SEMA5A: variants seen among roughly 807,000 people sequenced by gnomAD.
SEMA5A encodes semaphorin-5A.
SEMA5A carries 55 observed loss-of-function variants against 135.5 expected under a neutral mutation model. The observed-to-expected ratio is 0.41, with a 90% CI of 0.33 to 0.51. The LOEUF (loss-of-function observed/expected upper bound fraction) is 0.51, where lower values mean the gene tolerates loss of function less well. SEMA5A is among the 20% of genes least tolerant of loss of function. The pLI, the probability that SEMA5A is intolerant of heterozygous loss-of-function variation, is 0.37. For synonymous variants in SEMA5A, 580 were observed against 546.5 expected (o/e 1.06, Z -0.85); for missense variants, 1,290 against 1,419.9 (o/e 0.91, Z 1.47).
intron 2 of SEMA5A, chr5:9,390,914 C>T (rs1380566291): frequency 6.6e-6 from 1 of 152,160 alleles, no homozygotes; most frequent in Non-Finnish European, 1.5e-5. Context: ...GATAAGTGTT[C>T]TCATTCCTTT....
chr5:9,507,582 T>C (rs1283875995), intron 1 of SEMA5A, among the ~76,000 whole-genome samples: 1 of 152,210 alleles, frequency 6.6e-6, no homozygotes, highest in Non-Finnish European at 1.5e-5. Flanking sequence ...GTAAAGTCTT[T>C]GAGATAAAGT....
intron 1 of SEMA5A, among the ~76,000 whole-genome samples, chr5:9,481,255 G>C (rs1193920708): frequency 6.6e-6 from 1 of 152,140 alleles, no homozygotes; most frequent in Non-Finnish European, 1.5e-5. Context: ...CCAAAACATA[G>C]TATTAAATAT....
intron 12 of SEMA5A, among the ~76,000 whole-genome samples, chr5:9,148,545 AG>A (rs907516119): frequency 2.0e-5 from 3 of 152,328 alleles, no homozygotes; most frequent in African/African-American, 7.2e-5. Context: ...GAAGGCTGTC[AG>A]GAGCTTCTCA....
intron 12 of SEMA5A, among the ~76,000 whole-genome samples, chr5:9,141,990 T>C (rs756668043): frequency 1.2e-4 from 18 of 152,234 alleles, no homozygotes; most frequent in Non-Finnish European, 2.4e-4. Context: ...GTTTCAATCA[T>C]GTATCAATTC....
At position 9,282,658 on chromosome 5, in the gene SEMA5A, G is replaced by A. The variant is rs1750600933; in HGVS notation, c.270+35714C>T. 3.9e-5 allele frequency among the ~76,000 whole-genome samples: 6 copies of A among 152,246 alleles called. No homozygotes were observed. The South Asian group carries it at 1.2e-3, about 32-fold the overall frequency. ...CGGAGGCATCATGCACTTTCTGGCAGTTGTAGCTGACCAGACGGATAAAGG... is the reference window on the plus strand; with the variant it reads ...CGGAGGCATCATGCACTTTCTGGCAATTGTAGCTGACCAGACGGATAAAGG... On this transcript the variant is annotated intron_variant, in intron 5 of 22. Transcript: ENST00000382496.
At chr5:9,524,966 G>A (rs1737047706) in intron 1 of SEMA5A, among the ~76,000 whole-genome samples, 2 of 151,892 alleles carry the variant, frequency 1.3e-5, no homozygotes, top group South Asian at 4.2e-4. Context: ...AGAGAGAGAG[G>A]AAAAAAGAGA....
chr5:9,356,494 A>T (rs1253040556), intron 3 of SEMA5A, among the ~76,000 whole-genome samples: 2 of 152,180 alleles, frequency 1.3e-5, no homozygotes, highest in Non-Finnish European at 2.9e-5. Context: ...CAGAAAAAAA[A>T]GAAAAGGCTG....
chr5:9,143,920 A>G (rs1051919113), intron 12 of SEMA5A, among the ~76,000 whole-genome samples: 1 of 152,238 alleles, frequency 6.6e-6, no homozygotes, highest in African/African-American at 2.4e-5. Flanking sequence ...AGCCTCTTCC[A>G]TGGCTAGGAT....
At chr5:9,193,601 T>C (rs576396353) in intron 10 of SEMA5A, among the ~76,000 whole-genome samples, 1 of 152,198 alleles carries the variant, frequency 6.6e-6, no homozygotes, top group Non-Finnish European at 1.5e-5. Flanking sequence ...TGCATCTTGC[T>C]GCAAACATGC....
At chr5:9,173,258 G>A (rs1044904555) in intron 11 of SEMA5A, among the ~76,000 whole-genome samples, 2 of 149,508 alleles carry the variant, frequency 1.3e-5, no homozygotes, top group Non-Finnish European at 3.0e-5. Context: ...TCCAGACAGG[G>A]AAAGTTGTTT....
chr5:9,487,561 A>T (rs1253225141), intron 1 of SEMA5A, among the ~76,000 whole-genome samples: 3 of 152,146 alleles, frequency 2.0e-5, no homozygotes, highest in African/African-American at 7.2e-5. Flanking sequence ...TGTTGGTTAG[A>T]ATTCCATAAT....
At chr5:9,334,296 T>C (rs1262694953) in intron 4 of SEMA5A, among the ~76,000 whole-genome samples, 1 of 152,232 alleles carries the variant, frequency 6.6e-6, no homozygotes, top group Non-Finnish European at 1.5e-5. Flanking sequence ...ACACCTGTTA[T>C]CTAAACTTAC....
At chr5:9,228,596 T>G (rs576685693) in intron 6 of SEMA5A, among the ~76,000 whole-genome samples, 2 of 152,172 alleles carry the variant, frequency 1.3e-5, no homozygotes, top group Admixed American at 6.5e-5. Context: ...CAGAAACCAA[T>G]GTGCAGGATA....
rs6866662 is a variant in SEMA5A, at chr5:9,531,721, G to A, written c.-175+13863C>T. Among the ~76,000 whole-genome samples, 942 of 152,258 alleles carry A rather than the reference G, an allele frequency of 6.2e-3. 4 individuals are homozygous for A. Among genetic ancestry groups the A allele is most frequent in the African/African-American group, 0.017 (687 of 41,548 alleles). ...GACACCCAACTGGAAAACAGATACC[G>A]AGAGAGGAAAAACCATCTCTAGCCT... On this transcript the variant is annotated intron_variant, in intron 1 of 22. Transcript: ENST00000382496.
rs1033420371 is a variant in SEMA5A at position 9,116,704 on chromosome 5, G to T, written c.1925+2294C>A. On this transcript the variant is annotated intron_variant, in intron 15 of 22. Transcript: ENST00000382496. ...GGGTTGATGGTGTTTAAATAAATATGATATACATGTATCAATTATTTTGTA... is the reference window on the plus strand; with the variant it reads ...GGGTTGATGGTGTTTAAATAAATATTATATACATGTATCAATTATTTTGTA... Among the ~76,000 whole-genome samples the T allele has an allele frequency of 1.2e-4, 18 of 152,214 alleles. No homozygotes were observed. The East Asian group carries it at 3.5e-3, about 29-fold the overall frequency.
intron 2 of SEMA5A, among the ~76,000 whole-genome samples, chr5:9,413,283 C>T (rs907964379): frequency 2.6e-5 from 4 of 152,046 alleles, no homozygotes; most frequent in Admixed American, 2.0e-4. Flanking sequence ...TGACAGCAAA[C>T]GTAACCATCT....
chr5:9,319,123 G>C (rs571539580), intron 4 of SEMA5A, among the ~76,000 whole-genome samples: 2 of 152,290 alleles, frequency 1.3e-5, no homozygotes, highest in African/African-American at 4.8e-5. Flanking sequence ...AGGATGCTTT[G>C]GTCCTGGGAG....
At chr5:9,467,464 T>C (rs1378586058) in intron 1 of SEMA5A, among the ~76,000 whole-genome samples, 1 of 152,174 alleles carries the variant, frequency 6.6e-6, no homozygotes, top group Non-Finnish European at 1.5e-5. Flanking sequence ...AGATTAGAAC[T>C]CCAGGCACCT....
At chr5:9,154,093 A>ATATATATATTTGTGTGTGTG (rs372321939) in intron 12 of SEMA5A, among the ~76,000 whole-genome samples, 1 of 73,528 alleles carries the variant, frequency 1.4e-5, no homozygotes, top group Non-Finnish European at 2.4e-5. Flanking sequence ...ATATATATAT[A>ATATATATATTTGTGTGTGTG]TGTGTGTGTG....
Sources: gnomAD v4.1 joint callset for allele counts (sites outside exome capture counted in the v4.1 genomes callset) on GRCh38, gnomAD v4.1.1 for gene constraint, MANE v1.5 for transcripts, NCBI Gene and HGNC (gene_info 2026-07-23, HGNC 2026-07-21) for gene names.